PCDHGB3: variants seen among roughly 807,000 people sequenced by gnomAD.
PCDHGB3 encodes the protein protocadherin gamma-B3.
In PCDHGB3, 40 loss-of-function variants were observed where a neutral mutation model predicts 59.2. The ratio of observed to expected loss-of-function variants is 0.68; its 90% CI spans 0.52 to 0.88. The LOEUF is 0.88. Ranked by LOEUF, PCDHGB3 falls within the 40% of genes least tolerant of loss-of-function variation. The pLI, the probability that PCDHGB3 is intolerant of heterozygous loss-of-function variation, is 0.00. For missense variants in PCDHGB3, 1,309 were observed against 1,187.9 expected, an observed-to-expected ratio of 1.10 and a Z score of -1.50; for synonymous variants, 581 against 503.6, an observed-to-expected ratio of 1.15 and a Z score of -2.06.
intron 1 of PCDHGB3, chr5:141,423,780 T>C: frequency 8.0e-7 from 1 of 1,243,766 alleles, no homozygotes; most frequent in Non-Finnish European, 1.0e-6. Flanking sequence ...ATATATTTAG[T>C]TCATATATAT....
intron 1 of PCDHGB3, chr5:141,403,040 C>T: frequency 1.2e-6 from 2 of 1,614,068 alleles, no homozygotes; most frequent in Non-Finnish European, 1.7e-6. Context: ...CAGGGCCAGT[C>T]AGATTCGCTA....
At chr5:141,399,684 G>T in intron 1 of PCDHGB3, 1 of 1,613,538 alleles carries the variant, frequency 6.2e-7, no homozygotes, top group Non-Finnish European at 8.5e-7. Context: ...TTGACTACGA[G>T]CAGCTGCGCA....
At chr5:141,470,942 C>T (rs1156728317) in intron 1 of PCDHGB3, among the ~76,000 whole-genome samples, 1 of 152,020 alleles carries the variant, frequency 6.6e-6, no homozygotes, top group Non-Finnish European at 1.5e-5. Context: ...GTCTCAAATT[C>T]CTGGCCTCAA....
chr5:141,387,732 C>G (rs940812767), intron 1 of PCDHGB3: 1 of 1,279,212 alleles, frequency 7.8e-7, no homozygotes, highest in South Asian at 1.6e-5. Context: ...CAGCGCCAGC[C>G]TTTACACCGC....
At chr5:141,414,790 A>G (rs1190584746) in intron 1 of PCDHGB3, 1 of 1,614,226 alleles carries the variant, frequency 6.2e-7, no homozygotes, top group South Asian at 1.1e-5. Context: ...GGTGACAGCC[A>G]GCGACAGCGG....
intron 1 of PCDHGB3, chr5:141,385,433 G>A (rs2024141): frequency 0.085 from 123,181 of 1,452,862 alleles, 5,787 homozygotes; most frequent in East Asian, 0.14. Context: ...ACTTTATAGA[G>A]GTAAAAATGA....
intron 1 of PCDHGB3, chr5:141,427,971 C>A (rs764145525): frequency 1.3e-6 from 2 of 1,593,630 alleles, no homozygotes; most frequent in Non-Finnish European, 1.7e-6. Flanking sequence ...GGTGCTGTAC[C>A]CCGCGCTGGG....
At chr5:141,433,150 G>C (rs1466566074) in intron 1 of PCDHGB3, 5 of 1,613,936 alleles carry the variant, frequency 3.1e-6, no homozygotes, top group Middle Eastern at 1.6e-4. Flanking sequence ...CAGGTGATTC[G>C]GTATTTTCTA....
At chr5:141,426,521 C>T (rs184198267) in intron 1 of PCDHGB3, 14 of 341,908 alleles carry the variant, frequency 4.1e-5, no homozygotes, top group Admixed American at 7.6e-5. Flanking sequence ...ACCGTGAACA[C>T]GGAGAATGGG....
intron 1 of PCDHGB3, among the ~76,000 whole-genome samples, chr5:141,401,282 C>G (rs963741934): frequency 4.0e-5 from 6 of 151,884 alleles, no homozygotes; most frequent in African/African-American, 1.5e-4. Context: ...GTGGAGGTTG[C>G]GGTGAGCCGA....
intron 1 of PCDHGB3, chr5:141,376,019 G>A (rs765198459): frequency 7.3e-5 from 117 of 1,613,176 alleles, no homozygotes; most frequent in African/African-American, 9.3e-5. Context: ...AGTGGTGGCC[G>A]TCCAGGACCA....
chr5:141,414,613 G>A (rs957641063), intron 1 of PCDHGB3: 2 of 1,613,988 alleles, frequency 1.2e-6, no homozygotes, highest in East Asian at 4.5e-5. Flanking sequence ...CTCAGTGACA[G>A]CGCTGGACCC....
At chr5:141,409,447 A>G (rs764648085) in intron 1 of PCDHGB3, 3 of 1,614,008 alleles carry the variant, frequency 1.9e-6, no homozygotes, top group Admixed American at 1.7e-5. Flanking sequence ...GAGAGCAGAC[A>G]CCAGAATACA....
At chr5:141,480,649 C>A (rs2099522804) in intron 1 of PCDHGB3, among the ~76,000 whole-genome samples, 1 of 152,184 alleles carries the variant, frequency 6.6e-6, no homozygotes, top group Non-Finnish European at 1.5e-5. Flanking sequence ...AACTTGGTTG[C>A]ACATTAAAAT....
chr5:141,375,809 G>A (rs912938777), intron 1 of PCDHGB3: 92 of 1,614,084 alleles, frequency 5.7e-5, no homozygotes, highest in Non-Finnish European at 7.3e-5. Flanking sequence ...CACTGGCGTG[G>A]AGCTGGCGCC....
intron 1 of PCDHGB3, chr5:141,403,631 C>A (rs751580878): frequency 2.5e-6 from 4 of 1,613,912 alleles, no homozygotes; most frequent in Non-Finnish European, 2.5e-6. Flanking sequence ...CAGCACAGTG[C>A]GCATCCATGT....
At chr5:141,421,973 G>C in intron 1 of PCDHGB3, 1 of 1,610,100 alleles carries the variant, frequency 6.2e-7, no homozygotes, top group Non-Finnish European at 8.5e-7. Context: ...TCCGTATATC[G>C]CGTGAGTGTT....
chr5:141,418,914 T>C (rs1200050684), intron 1 of PCDHGB3: 4 of 1,613,964 alleles, frequency 2.5e-6, no homozygotes, highest in East Asian at 2.2e-5. Context: ...ATCACGTCAC[T>C]CTCTGATCAG....
At chr5:141,413,687 T>C (rs1470256826) in intron 1 of PCDHGB3, 1 of 1,613,784 alleles carries the variant, frequency 6.2e-7, no homozygotes, top group South Asian at 1.1e-5. Flanking sequence ...GTGAACTCCC[T>C]GCAGAGCTAT....
Sources: gnomAD v4.1 joint callset for allele counts (sites outside exome capture counted in the v4.1 genomes callset) on GRCh38, gnomAD v4.1.1 for gene constraint, MANE v1.5 for transcripts, NCBI Gene and HGNC (gene_info 2026-07-23, HGNC 2026-07-21) for gene names.